The following CLVS1 variants were observed in gnomAD, a reference collection of about 807,000 sequenced individuals.
CLVS1 encodes clavesin-1.
CLVS1 carries 10 observed loss-of-function variants against 33.1 expected under a neutral mutation model. The observed-to-expected ratio is 0.30, with a 90% CI of 0.19 to 0.51. The LOEUF (loss-of-function observed/expected upper bound fraction) is 0.51, where lower values mean the gene tolerates loss of function less well. Ranked by LOEUF, CLVS1 falls within the 20% of genes least tolerant of loss-of-function variation. The pLI is 0.97. For synonymous variants in CLVS1, 163 were observed against 166.1 expected, an observed-to-expected ratio of 0.98 and a Z score of 0.14; for missense variants, 343 against 433.4, an observed-to-expected ratio of 0.79 and a Z score of 1.85.
At chr8:61,346,197 A>C (rs1812214373) in intron 2 of CLVS1, among the ~76,000 whole-genome samples, 1 of 152,168 alleles carries the variant, frequency 6.6e-6, no homozygotes, top group South Asian at 2.1e-4. Context: ...TTCTTAACCC[A>C]GGGTGCCTGC....
chr8:61,385,139 G>T (rs1035475774), intron 3 of CLVS1, among the ~76,000 whole-genome samples: 1 of 152,170 alleles, frequency 6.6e-6, no homozygotes, highest in Non-Finnish European at 1.5e-5. Context: ...CATACTTTCC[G>T]TTGGGCAAGA....
At chr8:60,972,345 ACT>A in the CLVS1 span, among the ~76,000 whole-genome samples, 2 of 152,068 alleles carry the variant, frequency 1.3e-5, no homozygotes, top group Non-Finnish European at 2.9e-5. Flanking sequence ...GGCCAAACTA[ACT>A]CTGGGAAAAA....
intron 1 of CLVS1, among the ~76,000 whole-genome samples, chr8:61,292,727 A>G (rs1235629777): frequency 2.0e-5 from 3 of 152,182 alleles, no homozygotes; most frequent in Non-Finnish European, 2.9e-5. Flanking sequence ...TTATTTCCCT[A>G]TATATTAACT....
At chr8:61,362,333 T>C (rs886865192) in intron 2 of CLVS1, among the ~76,000 whole-genome samples, 15 of 152,218 alleles carry the variant, frequency 9.9e-5, no homozygotes, top group African/African-American at 3.6e-4. Flanking sequence ...ATTTCATACA[T>C]TGGTCAGTCT....
chr8:61,055,064 A>G (rs1235867339), upstream of CLVS1, among the ~76,000 whole-genome samples: 2 of 152,240 alleles, frequency 1.3e-5, no homozygotes, highest in Non-Finnish European at 2.9e-5. Flanking sequence ...TTCCAATCAT[A>G]TAGTTTACTC....
rs569028772 is a variant in CLVS1 at position 61,357,597 on chromosome 8, C to T, written c.456-19008C>T. ...CTCGGCTCACTGCAACCTTCCCCTC[C>T]TAGGTTCAAGAGATTCTCATGCCTC... On this transcript the variant is annotated intron_variant, in intron 2 of 5. Transcript: ENST00000325897. Among the ~76,000 whole-genome samples the T allele has an allele frequency of 4.7e-5, 7 of 148,166 alleles. No homozygotes were observed. The South Asian group carries it at 1.3e-3, about 28-fold the overall frequency.
intron 2 of CLVS1, among the ~76,000 whole-genome samples, chr8:61,165,702 C>T (rs951775522): frequency 2.0e-5 from 3 of 152,164 alleles, no homozygotes; most frequent in Admixed American, 6.5e-5. Context: ...CCCTAAAATG[C>T]TAAAATGTAT....
At position 61,287,979 on chromosome 8, in the gene CLVS1, CA is replaced by C. The variant is rs576098462; in HGVS notation, c.-307del. 233 of 394,286 alleles carry C rather than the reference CA, an allele frequency of 5.9e-4. 1 individual carries two copies. The highest frequency in any genetic ancestry group is 4.4e-3 in the African/African-American group (213 of 48,318). 24.4% of individuals were successfully genotyped at this position (394,286 alleles called of 1,614,324 possible). A position where few individuals can be genotyped will look rare whatever the true frequency, so the allele number is the denominator to read the frequency against. ...AGAATCGGGCGCACACGCCTCCTAC[CA>C]AAATCACAGCCCCTTGTGGAGCCCG... On this transcript the variant is annotated 5_prime_UTR_variant, in exon 1 of 6. Coordinates refer to ENST00000325897, the MANE Select transcript of CLVS1 (RefSeq NM_173519.3).
At chr8:61,416,882 G>T (rs778052751) in intron 3 of CLVS1, among the ~76,000 whole-genome samples, 33 of 152,192 alleles carry the variant, frequency 2.2e-4, no homozygotes, top group Non-Finnish European at 1.9e-4. Flanking sequence ...GAGATGAAAA[G>T]TTCCGTCAGC....
chr8:61,035,161 CTTTCTTTTCT>C, the CLVS1 span, among the ~76,000 whole-genome samples: 23 of 140,922 alleles, frequency 1.6e-4, no homozygotes, highest in Non-Finnish European at 2.8e-4. Flanking sequence ...TTTCATTTTT[CTTTCTTTTCT>C]TTTCTTTTCT....
rs115526828 is a variant in CLVS1 at position 61,245,688 on chromosome 8, T to C, written c.-151-53989T>C. Among the ~76,000 whole-genome samples the C allele has an allele frequency of 5.4e-3, 815 of 151,538 alleles. 10 individuals are homozygous for C. Among genetic ancestry groups the C allele is most frequent in the African/African-American group, 0.019 (766 of 41,400 alleles). ...TTATATATATGAATGGATATATATA[T>C]ACATATATATAAATTATACCTTTTG... On this transcript the variant is annotated intron_variant, in intron 2 of 2. Coordinates refer to the CLVS1 transcript ENST00000522621.
At chr8:61,062,500 G>A (rs1804599584) in intron 1 of CLVS1, among the ~76,000 whole-genome samples, 2 of 152,182 alleles carry the variant, frequency 1.3e-5, no homozygotes, top group South Asian at 4.1e-4. Context: ...CTTAAAATAG[G>A]AAGATCCTCC....
At chr8:61,194,399 T>C in intron 2 of CLVS1, among the ~76,000 whole-genome samples, 1 of 152,180 alleles carries the variant, frequency 6.6e-6, no homozygotes, top group East Asian at 1.9e-4. Context: ...ACCCTGGCAT[T>C]ATTTTGCATT....
the CLVS1 span, among the ~76,000 whole-genome samples, chr8:61,025,742 G>A: frequency 6.6e-6 from 1 of 152,156 alleles, no homozygotes; most frequent in Non-Finnish European, 1.5e-5. Context: ...AAGCCTCCCT[G>A]CCAACGTGCT....
chr8:61,112,395 A>G (rs1399790268), intron 1 of CLVS1, among the ~76,000 whole-genome samples: 1 of 152,200 alleles, frequency 6.6e-6, no homozygotes, highest in East Asian at 1.9e-4. Context: ...GGCCATTTCT[A>G]TTGGCCTATC....
intron 2 of CLVS1, among the ~76,000 whole-genome samples, chr8:61,196,158 T>G (rs1807602156): frequency 1.3e-5 from 2 of 152,190 alleles, no homozygotes; most frequent in African/African-American, 2.4e-5. Flanking sequence ...TGAACAACTA[T>G]TATGTGCCAG....
Position 61,232,028 on chromosome 8 carries a change from T to TGTTTGTTTGTTTGTTTG in CLVS1, c.-151-67649_-151-67648insGTTTGTTTGTTTGTTTG, listed in dbSNP as rs140778823. Among the ~76,000 whole-genome samples the TGTTTGTTTGTTTGTTTG allele has an allele frequency of 1.0e-3, 117 of 114,820 alleles. 8 individuals are homozygous for TGTTTGTTTGTTTGTTTG. Among genetic ancestry groups the TGTTTGTTTGTTTGTTTG allele is most frequent in the African/African-American group, 3.6e-3 (91 of 25,312 alleles). 75.3% of individuals were successfully genotyped at this position (114,820 alleles called of 152,430 possible). On this transcript the variant is annotated intron_variant, in intron 2 of 2. Coordinates refer to the CLVS1 transcript ENST00000522621. The stretch of plus-strand genomic sequence containing the variant: ...GAGCCCTGAGGAAAGTTGTGGTTTT[T>TGTTTGTTTGTTTGTTTG]TTTTTTTTTTTTTTTTTTTTTTGTG...
the CLVS1 span, among the ~76,000 whole-genome samples, chr8:61,006,976 T>C: frequency 3.9e-5 from 6 of 152,234 alleles, no homozygotes; most frequent in Non-Finnish European, 8.8e-5. Flanking sequence ...CCTGCATTCT[T>C]CTGTTTCATG....
intron 2 of CLVS1, among the ~76,000 whole-genome samples, chr8:61,139,168 G>C (rs1806253428): frequency 6.6e-6 from 1 of 152,170 alleles, no homozygotes; most frequent in Non-Finnish European, 1.5e-5. Context: ...GGCAGTGAGG[G>C]GCTCATCGCC....
Sources: allele counts gnomAD v4.1 joint callset (sites outside exome capture counted in the v4.1 genomes callset), GRCh38; gene constraint gnomAD v4.1.1; transcripts MANE v1.5; gene names NCBI Gene and HGNC (gene_info 2026-07-23, HGNC 2026-07-21).